Variants in NRG1 observed in about 807,000 individuals in gnomAD.
The protein encoded by NRG1 is pro-neuregulin-1, membrane-bound isoform.
Under a neutral mutation model 63.8 loss-of-function variants are expected in NRG1, and 18 were observed. The observed-to-expected ratio is 0.28, with a 90% CI of 0.19 to 0.42. The LOEUF is 0.42. Among genes scored for constraint, NRG1 ranks in the 10% least tolerant of loss-of-function variants. The probability of loss-of-function intolerance (pLI) is 1.00; values close to 1 mark genes in which losing one functional copy is unlikely to be tolerated. For synonymous variants in NRG1, 302 were observed against 301.3 expected (o/e 1.00, Z -0.02); for missense variants, 762 against 814.7 (o/e 0.94, Z 0.79).
intron 1 of NRG1, among the ~76,000 whole-genome samples, chr8:32,289,711 A>G (rs1317043398): frequency 4.6e-5 from 7 of 152,174 alleles, no homozygotes; most frequent in African/African-American, 1.7e-4. Context: ...TAGCTTGTCT[A>G]ACTTAACAAA....
At chr8:32,723,576 G>T (rs1821212828) in intron 5 of NRG1, among the ~76,000 whole-genome samples, 1 of 147,448 alleles carries the variant, frequency 6.8e-6, no homozygotes, top group African/African-American at 2.5e-5. Context: ...GTACCAGCTA[G>T]CTACTCAGGA....
At chr8:32,692,781 TG>T (rs2128940006) in intron 5 of NRG1, among the ~76,000 whole-genome samples, 1 of 152,268 alleles carries the variant, frequency 6.6e-6, no homozygotes, top group Non-Finnish European at 1.5e-5. Context: ...GCCGAGTGCA[TG>T]GGATACTAGA....
At chr8:32,648,210 T>C in intron 5 of NRG1, 1 of 1,614,124 alleles carries the variant, frequency 6.2e-7, no homozygotes, top group African/African-American at 1.3e-5. Context: ...GGCTGTTGTC[T>C]CCTTTGAACC....
At chr8:31,864,626 G>A (rs1015030981) in intron 1 of NRG1, among the ~76,000 whole-genome samples, 1 of 152,118 alleles carries the variant, frequency 6.6e-6, no homozygotes, top group Non-Finnish European at 1.5e-5. Flanking sequence ...GAAAGAGGCA[G>A]TACAAAATAA....
chr8:32,453,643 A>G (rs1044737685), intron 1 of NRG1, among the ~76,000 whole-genome samples: 2 of 152,234 alleles, frequency 1.3e-5, no homozygotes, highest in African/African-American at 4.8e-5. Flanking sequence ...GCTTTTCTGC[A>G]GTAAAATGTT....
chr8:31,968,723 C>G (rs769550879), intron 1 of NRG1, among the ~76,000 whole-genome samples: 6 of 152,088 alleles, frequency 3.9e-5, no homozygotes, highest in Non-Finnish European at 5.9e-5. Context: ...CATTCTATTT[C>G]TCATGGTTTT....
At chr8:31,822,982 C>T (rs1824150785) in intron 1 of NRG1, among the ~76,000 whole-genome samples, 1 of 151,984 alleles carries the variant, frequency 6.6e-6, no homozygotes, top group African/African-American at 2.4e-5. Context: ...TGAAAAATGG[C>T]AGAAAAGATA....
chr8:31,811,245 C>A (rs1259599513), intron 1 of NRG1, among the ~76,000 whole-genome samples: 1 of 152,140 alleles, frequency 6.6e-6, no homozygotes, highest in African/African-American at 2.4e-5. Context: ...TGTGGGGTGT[C>A]TTTTGTAGAG....
At chr8:31,994,986 G>A (rs145263292) in intron 1 of NRG1, among the ~76,000 whole-genome samples, 69 of 151,958 alleles carry the variant, frequency 4.5e-4, no homozygotes, top group African/African-American at 1.5e-3. Context: ...GTATTGAATT[G>A]GTTTAACTGA....
chr8:32,669,266 A>C (rs72634876), intron 5 of NRG1, among the ~76,000 whole-genome samples: 8,394 of 152,206 alleles, frequency 0.055, 291 homozygotes, highest in Middle Eastern at 0.15. Context: ...CCTCATGATC[A>C]TTTTCCCCAT....
At chr8:32,324,091 T>G (rs1457479957) in intron 1 of NRG1, among the ~76,000 whole-genome samples, 2 of 121,620 alleles carry the variant, frequency 1.6e-5, no homozygotes, top group Non-Finnish European at 3.3e-5. Context: ...ATCAAAGCCC[T>G]CAAAAAAAAA....
intron 1 of NRG1, among the ~76,000 whole-genome samples, chr8:32,521,128 A>AC (rs1830301298): frequency 6.6e-6 from 1 of 152,232 alleles, no homozygotes; most frequent in Admixed American, 6.5e-5. Flanking sequence ...GGTAAAAAAT[A>AC]GTATATATAG....
At chr8:32,438,414 G>C (rs893386506) in intron 1 of NRG1, among the ~76,000 whole-genome samples, 4 of 152,140 alleles carry the variant, frequency 2.6e-5, no homozygotes, top group African/African-American at 9.7e-5. Context: ...TGCTAGGGAT[G>C]TTGAGCCATT....
chr8:32,061,463 C>T (rs752892401), intron 1 of NRG1, among the ~76,000 whole-genome samples: 7 of 151,752 alleles, frequency 4.6e-5, no homozygotes, highest in Non-Finnish European at 7.4e-5. Flanking sequence ...CACATTTTTT[C>T]CCAAGATGCT....
chr8:31,974,886 C>G (rs1392187179), intron 1 of NRG1, among the ~76,000 whole-genome samples: 1 of 152,112 alleles, frequency 6.6e-6, no homozygotes, highest in East Asian at 1.9e-4. Context: ...CACCACAAAC[C>G]CCCTGAGACA....
chr8:31,835,623 C>A lies in NRG1; in HGVS notation c.37+196192C>A, dbSNP rs190712863. On this transcript the variant is annotated intron_variant, in intron 1 of 10. Transcript: ENST00000519301. The stretch of plus-strand genomic sequence containing the variant: ...GGCCTAGTTTGTGGCCTTCCTTTCA[C>A]AAACCCCTTAGGCTGCATATTACCC... Among the ~76,000 whole-genome samples the A allele has an allele frequency of 5.3e-5, 8 of 152,278 alleles. No homozygotes were observed. In the East Asian group the frequency reaches 1.4e-3, roughly 26 times the overall value.
chr8:32,429,879 AAATT>A (rs1323693827), intron 1 of NRG1, among the ~76,000 whole-genome samples: 16 of 152,180 alleles, frequency 1.1e-4, no homozygotes, highest in African/African-American at 3.9e-4. Flanking sequence ...AAAAAAATGT[AAATT>A]AATTAAAATA....
At chr8:32,514,820 T>TA (rs981802352) in intron 1 of NRG1, among the ~76,000 whole-genome samples, 1 of 151,680 alleles carries the variant, frequency 6.6e-6, no homozygotes, top group Non-Finnish European at 1.5e-5. Flanking sequence ...TTGTTCAGAT[T>TA]AAAAAAATAA....
chr8:32,695,400 G>A (rs888456079), intron 5 of NRG1, among the ~76,000 whole-genome samples: 17 of 151,282 alleles, frequency 1.1e-4, no homozygotes, highest in African/African-American at 3.6e-4. Context: ...AGGAAGGAAG[G>A]AGAAAAGAAA....
Sources: gnomAD v4.1 joint callset for allele counts (sites outside exome capture counted in the v4.1 genomes callset) on GRCh38, gnomAD v4.1.1 for gene constraint, MANE v1.5 for transcripts, NCBI Gene and HGNC (gene_info 2026-07-23, HGNC 2026-07-21) for gene names.